GALNT13: variants seen among roughly 807,000 people sequenced by gnomAD.
The protein encoded by GALNT13 is UDP-GalNAc:polypeptide N-acetylgalactosaminyltransferase 13.
In GALNT13, 28 loss-of-function variants were observed where a neutral mutation model predicts 64.2. That is an observed-to-expected ratio of 0.44 (90% CI 0.32 to 0.60). The LOEUF is 0.60. Among genes scored for constraint, GALNT13 ranks in the 20% least tolerant of loss-of-function variants. The pLI is 0.05. For synonymous variants in GALNT13, 214 were observed against 224.6 expected (o/e 0.95, Z 0.42); for missense variants, 577 against 669.8 (o/e 0.86, Z 1.53).
intron 4 of GALNT13, among the ~76,000 whole-genome samples, chr2:154,222,606 A>G (rs79331955): frequency 1.3e-5 from 2 of 152,114 alleles, no homozygotes; most frequent in South Asian, 2.1e-4. Flanking sequence ...CATTTCCCCT[A>G]CAGTAGCTCC....
At chr2:153,387,484 CTT>C in the GALNT13 span, among the ~76,000 whole-genome samples, 1 of 152,028 alleles carries the variant, frequency 6.6e-6, no homozygotes, top group African/African-American at 2.4e-5. Context: ...TTTTGACTAA[CTT>C]TGTCGTAAAG....
chr2:153,411,467 C>T, the GALNT13 span, among the ~76,000 whole-genome samples: 2 of 152,082 alleles, frequency 1.3e-5, no homozygotes, highest in African/African-American at 4.8e-5. Flanking sequence ...GGAAATGACT[C>T]AGATAAAATC....
chr2:153,504,313 A>G, the GALNT13 span, among the ~76,000 whole-genome samples: 1 of 152,208 alleles, frequency 6.6e-6, no homozygotes, highest in Non-Finnish European at 1.5e-5. Context: ...TAGGTATACA[A>G]TCATATAATC....
chr2:153,147,136 A>G, the GALNT13 span, among the ~76,000 whole-genome samples: 5 of 147,280 alleles, frequency 3.4e-5, no homozygotes, highest in Non-Finnish European at 7.5e-5. Flanking sequence ...ATAGACCCCC[A>G]TTCCCATTTG....
chr2:153,451,566 A>G, the GALNT13 span, among the ~76,000 whole-genome samples: 1 of 152,222 alleles, frequency 6.6e-6, no homozygotes, highest in Admixed American at 6.5e-5. Context: ...TTTATGCAGT[A>G]TAGAAAGAGA....
At chr2:153,306,577 G>A in the GALNT13 span, among the ~76,000 whole-genome samples, 2 of 152,110 alleles carry the variant, frequency 1.3e-5, no homozygotes, top group African/African-American at 4.8e-5. Flanking sequence ...CAATGCTAAA[G>A]GCAAGTCTGA....
intron 11 of GALNT13, among the ~76,000 whole-genome samples, chr2:154,434,508 C>G (rs757743039): frequency 1.3e-5 from 2 of 152,090 alleles, no homozygotes; most frequent in Non-Finnish European, 2.9e-5. Context: ...ATCCATGCGC[C>G]TGGGCCTCCC....
the GALNT13 span, among the ~76,000 whole-genome samples, chr2:153,613,378 A>G: frequency 1.3e-5 from 2 of 152,160 alleles, no homozygotes; most frequent in Non-Finnish European, 2.9e-5. Context: ...CCTATTTTAG[A>G]GAGTTCCATA....
the GALNT13 span, among the ~76,000 whole-genome samples, chr2:153,395,020 G>A: frequency 1.3e-5 from 2 of 152,164 alleles, no homozygotes; most frequent in South Asian, 4.1e-4. Context: ...CGAGGTCCCT[G>A]TTGTTTGCTG....
At chr2:154,125,614 G>A (rs557941738) in intron 3 of GALNT13, among the ~76,000 whole-genome samples, 7 of 152,254 alleles carry the variant, frequency 4.6e-5, no homozygotes, top group African/African-American at 1.7e-4. Flanking sequence ...CAAAGAGGAG[G>A]TGACAATAAG....
chr2:154,068,507 A>G (rs947051473), intron 3 of GALNT13, among the ~76,000 whole-genome samples: 2 of 151,536 alleles, frequency 1.3e-5, no homozygotes, highest in Non-Finnish European at 3.0e-5. Context: ...TGTGGTATAT[A>G]TACACAAAGG....
chr2:153,627,469 C>G, the GALNT13 span, among the ~76,000 whole-genome samples: 1 of 151,958 alleles, frequency 6.6e-6, no homozygotes, highest in Non-Finnish European at 1.5e-5. Flanking sequence ...CTTATGTAGA[C>G]TTGACATGAT....
chr2:154,193,333 A>G (rs574705050), intron 4 of GALNT13, among the ~76,000 whole-genome samples: 4 of 152,288 alleles, frequency 2.6e-5, no homozygotes, highest in South Asian at 4.1e-4. Context: ...TTCTTGTTAA[A>G]TAGAACTCAT....
rs76681025 is a variant in GALNT13 at position 154,316,158 on chromosome 2, A to G, written c.1156+14569A>G. 2.9e-3 allele frequency among the ~76,000 whole-genome samples: 444 copies of G among 152,322 alleles called. 1 individual carries two copies. Among genetic ancestry groups the G allele is most frequent in the Non-Finnish European group, 4.6e-3 (315 of 68,014 alleles). ...TAATTTATATCGTTGAAAATAAGAT[A>G]AATGAAGTTAGAATGATACTATTAT... On this transcript the variant is annotated intron_variant, in intron 9 of 12. Coordinates refer to ENST00000392825, the MANE Select transcript of GALNT13 (RefSeq NM_052917.4).
the GALNT13 span, among the ~76,000 whole-genome samples, chr2:153,350,616 C>G: frequency 2.0e-5 from 3 of 151,986 alleles, no homozygotes; most frequent in Non-Finnish European, 2.9e-5. Flanking sequence ...CTCCTGACTT[C>G]AGGTGATCCA....
chr2:154,431,889 A>G (rs1021763874), intron 11 of GALNT13, among the ~76,000 whole-genome samples: 3 of 152,068 alleles, frequency 2.0e-5, no homozygotes, highest in East Asian at 3.8e-4. Context: ...TTCACCTTCC[A>G]CCACAATTGT....
the GALNT13 span, among the ~76,000 whole-genome samples, chr2:153,828,758 C>A: frequency 1.1e-4 from 16 of 152,288 alleles, no homozygotes; most frequent in African/African-American, 3.9e-4. Context: ...TCTCCTCAGA[C>A]AATGGAATTT....
chr2:153,468,843 A>G, the GALNT13 span, among the ~76,000 whole-genome samples: 1 of 152,120 alleles, frequency 6.6e-6, no homozygotes, highest in African/African-American at 2.4e-5. Flanking sequence ...TCGTAGTAAG[A>G]ACACAATGTT....
intron 9 of GALNT13, among the ~76,000 whole-genome samples, chr2:154,320,188 A>T (rs761311769): frequency 6.6e-6 from 1 of 152,142 alleles, no homozygotes; most frequent in African/African-American, 2.4e-5. Context: ...GAACATATTT[A>T]TCCTTTAAAG....
Sources: gnomAD v4.1 joint callset for allele counts (sites outside exome capture counted in the v4.1 genomes callset) on GRCh38, gnomAD v4.1.1 for gene constraint, MANE v1.5 for transcripts, NCBI Gene and HGNC (gene_info 2026-07-23, HGNC 2026-07-21) for gene names.